SLCO5A1: variants seen among roughly 807,000 people sequenced by gnomAD.
SLCO5A1 encodes solute carrier organic anion transporter family member 5A1.
SLCO5A1 carries 39 observed loss-of-function variants against 65.1 expected under a neutral mutation model. The observed-to-expected ratio is 0.60, with a 90% CI of 0.46 to 0.78. The LOEUF (loss-of-function observed/expected upper bound fraction) is 0.78, where lower values mean the gene tolerates loss of function less well. Among genes scored for constraint, SLCO5A1 ranks in the 30% least tolerant of loss-of-function variants. The pLI, the probability that SLCO5A1 is intolerant of heterozygous loss-of-function variation, is 0.00. For synonymous variants in SLCO5A1, 438 were observed against 415.7 expected, an observed-to-expected ratio of 1.05 and a Z score of -0.65; for missense variants, 1,029 against 1,069.4, an observed-to-expected ratio of 0.96 and a Z score of 0.53.
At position 69,668,642 on chromosome 8, in the gene SLCO5A1, T is replaced by C. The variant is rs919921148; in HGVS notation, c.*4227A>G. 2.6e-5 allele frequency: 4 copies of C among 152,202 alleles called. No individual in the cohort carries two copies. Among genetic ancestry groups the C allele is most frequent in the African/African-American group, 7.2e-5 (3 of 41,462 alleles). The allele number at this position is 152,202 out of a possible 1,614,324, so 9.4% of individuals were successfully genotyped here. On this transcript the variant is annotated 3_prime_UTR_variant, in exon 10 of 10. Transcript: ENST00000260126. ...AACTCTAAAGTTTCTCTTTGGTACA[T>C]GCACGGTTTCTACAAAACAGGGCCA...
intron 2 of SLCO5A1, among the ~76,000 whole-genome samples, chr8:69,762,084 T>A (rs532761135): frequency 6.6e-6 from 1 of 152,214 alleles, no homozygotes; most frequent in Non-Finnish European, 1.5e-5. Flanking sequence ...AGCGTAAGAA[T>A]CATTGGGAGA....
intron 2 of SLCO5A1, among the ~76,000 whole-genome samples, chr8:69,783,392 A>G (rs1355260985): frequency 6.6e-6 from 1 of 152,042 alleles, no homozygotes; most frequent in Non-Finnish European, 1.5e-5. Flanking sequence ...TGCTTATTTC[A>G]CATTGCATGC....
chr8:69,721,799 C>T (rs1815829258), intron 5 of SLCO5A1, among the ~76,000 whole-genome samples: 1 of 152,086 alleles, frequency 6.6e-6, no homozygotes, highest in East Asian at 1.9e-4. Flanking sequence ...CTCAAAATTC[C>T]TTTCAAAGGG....
Position 69,672,922 on chromosome 8 carries a change from A to T in SLCO5A1, c.2494T>A (p.Ser832Thr). The change falls in exon 10 of 10, where the codon TCT (serine) becomes ACT (threonine). Residue 832 changes from serine (S) to threonine (T), a missense_variant. Transcript: ENST00000260126. ...PGPFPEAISS[S>T]ADPGLEESPA... ...CTCTCTTCCAGCCCCGGGTCCGCAG[A>T]GGAACTTATTGCTTCTGGGAAGGGC... 1 of 1,614,210 alleles carries T rather than the reference A, an allele frequency of 6.2e-7. No homozygotes were observed. The highest frequency in any genetic ancestry group is 1.7e-5 in the Admixed American group (1 of 60,028).
intron 2 of SLCO5A1, among the ~76,000 whole-genome samples, chr8:69,808,627 G>A (rs906601434): frequency 5.9e-5 from 9 of 152,084 alleles, no homozygotes; most frequent in African/African-American, 1.2e-4. Flanking sequence ...TGCAATGAAC[G>A]AACAAGTGCA....
intron 6 of SLCO5A1, among the ~76,000 whole-genome samples, chr8:69,690,380 T>G (rs1321232484): frequency 2.0e-5 from 3 of 152,160 alleles, no homozygotes; most frequent in African/African-American, 7.2e-5. Context: ...GCCGCGGGCC[T>G]TTGTGGAATG....
chr8:69,801,256 T>C (rs1012461282), intron 2 of SLCO5A1, among the ~76,000 whole-genome samples: 1 of 152,220 alleles, frequency 6.6e-6, no homozygotes, highest in African/African-American at 2.4e-5. Context: ...AATACAGATA[T>C]CTTAAATTAG....
chr8:69,777,093 A>G (rs1424018252), intron 2 of SLCO5A1, among the ~76,000 whole-genome samples: 3 of 152,246 alleles, frequency 2.0e-5, no homozygotes, highest in African/African-American at 7.2e-5. Flanking sequence ...ACATATGTCC[A>G]TACAAATGTT....
chr8:69,802,557 G>A (rs1480753457), intron 2 of SLCO5A1, among the ~76,000 whole-genome samples: 3 of 150,294 alleles, frequency 2.0e-5, no homozygotes, highest in East Asian at 2.0e-4. Context: ...TTGTTGAAAC[G>A]AATATTTCCT....
At chr8:69,766,922 C>T (rs995498467) in intron 2 of SLCO5A1, among the ~76,000 whole-genome samples, 56 of 152,306 alleles carry the variant, frequency 3.7e-4, no homozygotes, top group African/African-American at 1.2e-3. Context: ...AGCCAGTGAA[C>T]GCTCTACTGT....
chr8:69,672,772 G>T lies in SLCO5A1; in HGVS notation c.*97C>A, dbSNP rs1813378353. ...TTGGTTTGAGGATTGTGTCTGTAGA[G>T]GTTAAAAAAAAGAAAGAAAGAAAAG... On this transcript the variant is annotated 3_prime_UTR_variant, in exon 10 of 10. Coordinates refer to ENST00000260126, the MANE Select transcript of SLCO5A1 (RefSeq NM_030958.3). 1 of 1,319,296 alleles carries T rather than the reference G, an allele frequency of 7.6e-7. No homozygotes were observed. The highest frequency in any genetic ancestry group is 1.5e-5 in the South Asian group (1 of 66,612). 81.7% of individuals were successfully genotyped at this position (1,319,296 alleles called of 1,614,324 possible).
In SLCO5A1 at chr8:69,724,848, C is replaced by T. The variant is rs1037280008; in HGVS notation, c.1423+13192G>A. On this transcript the variant is annotated intron_variant, in intron 5 of 9. Transcript: ENST00000260126. ...GGAGTCAGAACAGTTTGTCACTAGC[C>T]GCAGTGTGCCACTAACTGTGAGGCA... Among the ~76,000 whole-genome samples, 3 of 152,208 alleles carry T rather than the reference C, an allele frequency of 2.0e-5. No individual in the cohort carries two copies. In the East Asian group the frequency reaches 5.8e-4, roughly 29 times the overall value.
In SLCO5A1 at chr8:69,669,214, A is replaced by G. The variant is rs920440279; in HGVS notation, c.*3655T>C. 2.0e-5 allele frequency: 3 copies of G among 152,332 alleles called. No homozygotes were observed. Among genetic ancestry groups the G allele is most frequent in the African/African-American group, 7.2e-5 (3 of 41,580 alleles). The allele number at this position is 152,332 out of a possible 1,614,324, so 9.4% of individuals were successfully genotyped here. A position where few individuals can be genotyped will look rare whatever the true frequency, so the allele number is the denominator to read the frequency against. ...CTAAATAAATGTAAATTTACCTTGA[A>G]AATCTAGTTAAACATTAAATCTTGA... On this transcript the variant is annotated 3_prime_UTR_variant, in exon 10 of 10. Transcript: ENST00000260126.
chr8:69,728,440 G>A (rs764085264), intron 5 of SLCO5A1, among the ~76,000 whole-genome samples: 5 of 151,826 alleles, frequency 3.3e-5, no homozygotes, highest in Non-Finnish European at 7.4e-5. Flanking sequence ...TTTTAAAAAG[G>A]TAATTCTAAA....
chr8:69,749,673 A>G (rs1470907372), intron 4 of SLCO5A1, among the ~76,000 whole-genome samples: 1 of 151,906 alleles, frequency 6.6e-6, no homozygotes, highest in Non-Finnish European at 1.5e-5. Flanking sequence ...TCATTCAATA[A>G]TTCATTCATC....
chr8:69,736,395 G>T (rs1045794685), intron 5 of SLCO5A1, among the ~76,000 whole-genome samples: 1 of 152,166 alleles, frequency 6.6e-6, no homozygotes, highest in Admixed American at 6.5e-5. Flanking sequence ...ATGCATTCAA[G>T]GTGCATTAAT....
At position 69,673,321 on chromosome 8, in the gene SLCO5A1, T is replaced by A. The variant is rs1451418428; in HGVS notation, c.2095A>T (p.Ile699Phe). ...QFVLLRTLAYIPTPIYFGAVI... is the reference protein window; with the variant it reads ...QFVLLRTLAYFPTPIYFGAVI... ...GCTCCAAAGTAGATTGGAGTAGGAA[T>A]GTATGCTAGAGGGGTGGAGAAGAAG... is the stretch of plus-strand genomic sequence containing the variant. Residue 699 changes from isoleucine to phenylalanine, a missense_variant, in exon 10 of 10, where the codon ATT becomes TTT. Physicochemically the swap from Ile to Phe is conservative, Grantham distance 21. Around this residue, in one of 3 missense-constraint regions of SLCO5A1, gnomAD observed 258 missense variants for 237.4 expected, o/e 1.09. Transcript: ENST00000260126. 2 of 1,612,442 alleles carry A rather than the reference T, an allele frequency of 1.2e-6. No individual in the cohort carries two copies. Among genetic ancestry groups the A allele is most frequent in the Admixed American group, 1.7e-5 (1 of 59,916 alleles).
intron 6 of SLCO5A1, among the ~76,000 whole-genome samples, chr8:69,682,739 C>G (rs1813839020): frequency 6.6e-6 from 1 of 152,124 alleles, no homozygotes; most frequent in Admixed American, 6.5e-5. Flanking sequence ...GGAGAAAATA[C>G]TTTTTAGTAT....
chr8:69,718,782 G>T (rs943605986), intron 5 of SLCO5A1, among the ~76,000 whole-genome samples: 1 of 152,152 alleles, frequency 6.6e-6, no homozygotes, highest in Non-Finnish European at 1.5e-5. Context: ...TAAAATTCCT[G>T]CCCAGATTGA....
Sources: allele counts gnomAD v4.1 joint callset (sites outside exome capture counted in the v4.1 genomes callset), GRCh38; gene constraint gnomAD v4.1.1; regional missense constraint gnomAD v4.1.1; transcripts MANE v1.5; gene names NCBI Gene and HGNC (gene_info 2026-07-23, HGNC 2026-07-21).